ARID4A: variants seen among roughly 807,000 people sequenced by gnomAD.
ARID4A encodes the protein AT-rich interactive domain-containing protein 4A.
A neutral mutation model predicts 148.6 loss-of-function variants in ARID4A; 39 were observed. The ratio of observed to expected loss-of-function variants is 0.26; its 90% CI spans 0.20 to 0.34. The LOEUF (loss-of-function observed/expected upper bound fraction) is 0.34, where lower values mean the gene tolerates loss of function less well. Ranked by LOEUF, ARID4A falls within the 10% of genes least tolerant of loss-of-function variation. ARID4A has a pLI of 1.00. For synonymous variants in ARID4A, 475 were observed against 481.2 expected (o/e 0.99, Z 0.17); for missense variants, 1,265 against 1,449.1 (o/e 0.87, Z 2.06).
intron 5 of ARID4A, among the ~76,000 whole-genome samples, chr14:58,311,836 C>A (rs1372120663): frequency 2.1e-5 from 3 of 140,132 alleles, no homozygotes; most frequent in African/African-American, 8.1e-5. Context: ...AAGCCAGGCA[C>A]AGGAAGACAA....
At chr14:58,337,489 G>A (rs189931952) in intron 11 of ARID4A, among the ~76,000 whole-genome samples, 2 of 151,862 alleles carry the variant, frequency 1.3e-5, no homozygotes, top group African/African-American at 4.8e-5. Context: ...TGCAATTGTT[G>A]TAGTAAATTA....
intron 2 of ARID4A, among the ~76,000 whole-genome samples, 155 bp from the exon 3 acceptor site, chr14:58,301,425 T>C (rs2031160453): frequency 6.6e-6 from 1 of 152,260 alleles, no homozygotes; most frequent in African/African-American, 2.4e-5. Flanking sequence ...AGGTTGCTAA[T>C]CAAGTATTTA....
intron 23 of ARID4A, among the ~76,000 whole-genome samples, chr14:58,370,879 G>C (rs940222386): frequency 6.6e-6 from 1 of 152,166 alleles, no homozygotes; most frequent in African/African-American, 2.4e-5. Context: ...CCAAAGTGCT[G>C]AGATTATAGG....
chr14:58,330,716 A>G (rs984640921), intron 11 of ARID4A, among the ~76,000 whole-genome samples: 3 of 152,328 alleles, frequency 2.0e-5, no homozygotes, highest in African/African-American at 7.2e-5. Flanking sequence ...AACCCCAAAG[A>G]AAATTTCATT....
intron 5 of ARID4A, among the ~76,000 whole-genome samples, chr14:58,309,890 G>T (rs1477582887): frequency 1.3e-5 from 2 of 152,164 alleles, no homozygotes; most frequent in African/African-American, 2.4e-5. Context: ...AGTAGAGGAG[G>T]TTTAGATTCA....
At chr14:58,369,494 C>G (rs2035507821) in intron 23 of ARID4A, among the ~76,000 whole-genome samples, 1 of 151,438 alleles carries the variant, frequency 6.6e-6, no homozygotes, top group Non-Finnish European at 1.5e-5. Flanking sequence ...CGCATGGTGG[C>G]AGATGCCTGT....
At chr14:58,360,082 A>T (rs2035070820) in intron 18 of ARID4A, among the ~76,000 whole-genome samples, 1 of 151,862 alleles carries the variant, frequency 6.6e-6, no homozygotes, top group Non-Finnish European at 1.5e-5. Context: ...AAAAAAAAAA[A>T]TCTTGATTCT....
Position 58,306,085 on chromosome 14 carries a change from T to C in ARID4A, c.247T>C (p.Leu83=). ...TTTTCAGGAAGCTATTATCAGCAAG[T>C]TGACAGATGCTAGTTGGTATACCGT... ...GSFQEAIISK[L]TDASWYTVVF... is the part of the protein sequence containing the mutation. The change falls in exon 5 of 24, where the codon TTG becomes CTG. Residue 83 remains leucine (L), a synonymous_variant. Coordinates refer to ENST00000355431, the MANE Select transcript of ARID4A (RefSeq NM_002892.4). 6.2e-7 allele frequency: 1 copy of C among 1,613,670 alleles called. No individual in the cohort carries two copies. Among genetic ancestry groups the C allele is most frequent in the Non-Finnish European group, 8.5e-7 (1 of 1,179,708 alleles).
At chr14:58,352,107 A>G (rs1038310279) in intron 16 of ARID4A, among the ~76,000 whole-genome samples, 3 of 152,186 alleles carry the variant, frequency 2.0e-5, no homozygotes, top group African/African-American at 7.2e-5. Flanking sequence ...GCTCTCTTCC[A>G]TAGTTATTTT....
intron 11 of ARID4A, among the ~76,000 whole-genome samples, chr14:58,343,913 G>A (rs2034232619): frequency 6.6e-6 from 1 of 151,964 alleles, no homozygotes; most frequent in Non-Finnish European, 1.5e-5. Flanking sequence ...TTATATGGAG[G>A]AAACATATCA....
At chr14:58,302,590 G>A (rs1297289307) in intron 3 of ARID4A, among the ~76,000 whole-genome samples, 1 of 152,070 alleles carries the variant, frequency 6.6e-6, no homozygotes, top group Admixed American at 6.5e-5. Context: ...CCCAGGAGGT[G>A]GAGATTGCAG....
At chr14:58,354,957 C>G (rs2034808399) in intron 17 of ARID4A, among the ~76,000 whole-genome samples, 1 of 152,158 alleles carries the variant, frequency 6.6e-6, no homozygotes, top group Non-Finnish European at 1.5e-5. Context: ...TTTGATACAT[C>G]ATGGTCACAG....
At chr14:58,329,463 T>C in intron 9 of ARID4A, 65 bp from the exon 10 acceptor site, 2 of 1,075,320 alleles carry the variant, frequency 1.9e-6, no homozygotes, top group Non-Finnish European at 2.8e-6. Context: ...TGTGTTAACA[T>C]GAACTATTTA....
At chr14:58,360,578 A>T (rs759124425) in intron 18 of ARID4A, among the ~76,000 whole-genome samples, 1 of 152,230 alleles carries the variant, frequency 6.6e-6, no homozygotes, top group African/African-American at 2.4e-5. Context: ...ATAGTTGTAT[A>T]GTCTTCTAAA....
chr14:58,340,337 GTTTTTGGT>G (rs58965986), intron 11 of ARID4A, among the ~76,000 whole-genome samples: 150,515 of 150,544 alleles, frequency 1, 75,244 homozygotes, highest in Middle Eastern at 1. Flanking sequence ...AGCTAATTTT[GTTTTTGGT>G]TTTTTGGTTT....
intron 10 of ARID4A, 77 bp downstream of exon 10, chr14:58,329,681 A>G (rs1198351171): frequency 2.5e-6 from 3 of 1,222,832 alleles, no homozygotes; most frequent in Non-Finnish European, 3.6e-6. Context: ...CAAGACTGAT[A>G]CTCTCTGGTA....
At chr14:58,322,121 A>G (rs1984549) in intron 7 of ARID4A, among the ~76,000 whole-genome samples, 105,411 of 151,462 alleles carry the variant, frequency 0.7, 37,063 homozygotes, top group Middle Eastern at 0.87. Context: ...CAGGTGTGTG[A>G]TACCACACCT....
intron 15 of ARID4A, among the ~76,000 whole-genome samples, chr14:58,350,357 A>C (rs1250310370): frequency 1.3e-5 from 2 of 152,170 alleles, no homozygotes; most frequent in Non-Finnish European, 2.9e-5. Flanking sequence ...CTTTATTCCA[A>C]GAAGAGGAGA....
Position 58,360,969 on chromosome 14 carries a change from T to A in ARID4A, c.2007T>A (p.Pro669=). The change falls in exon 19 of 24, where the codon CCT becomes CCA. Residue 669 remains proline (P), a synonymous_variant. Transcript: ENST00000355431. ...EERQKSKRGR[P]PLKSTLSSNM... is the part of the protein sequence containing the mutation. ...GGCAGAAGTCAAAACGGGGACGACC[T>A]CCTTTAAAATCAACCCTCTCATCAA... 6.2e-7 allele frequency: 1 copy of A among 1,614,108 alleles called. No homozygotes were observed. Among genetic ancestry groups the A allele is most frequent in the Non-Finnish European group, 8.5e-7 (1 of 1,180,012 alleles).
Sources: gnomAD v4.1 joint callset for allele counts (sites outside exome capture counted in the v4.1 genomes callset) on GRCh38, gnomAD v4.1.1 for gene constraint, MANE v1.5 for transcripts, NCBI Gene and HGNC (gene_info 2026-07-23, HGNC 2026-07-21) for gene names.